Variants in ANXA5 observed in about 807,000 individuals in gnomAD.
ANXA5 encodes CBP-I.
Under a neutral mutation model 48.1 loss-of-function variants are expected in ANXA5, and 40 were observed. The ratio of observed to expected loss-of-function variants is 0.83; its 90% confidence interval spans 0.65 to 1.08. The LOEUF (loss-of-function observed/expected upper bound fraction) is 1.08. Among genes scored for constraint, ANXA5 ranks in the 50% least tolerant of loss-of-function variants. The probability of loss-of-function intolerance (pLI) is 0.00; values close to 1 mark genes in which losing one functional copy is unlikely to be tolerated. For synonymous variants in ANXA5, 113 were observed against 129.1 expected, an observed-to-expected ratio of 0.88 and a Z score of 0.85; for missense variants, 357 against 376.8, an observed-to-expected ratio of 0.95 and a Z score of 0.44.
chr4:121,692,165 A>C (rs1417578098), intron 2 of ANXA5, among the ~76,000 whole-genome samples: 1 of 152,070 alleles, frequency 6.6e-6, no homozygotes, highest in Non-Finnish European at 1.5e-5. Context: ...ACCACCTTTG[A>C]CCTGTTTCTT....
In ANXA5 at chr4:121,684,692, C is replaced by CT. The variant is rs1444856401; in HGVS notation, c.173dup (p.Thr59AspfsTer10). On this transcript the variant is annotated frameshift_variant, in exon 4 of 13. Transcript: ENST00000296511. LOFTEE classifies it high-confidence loss of function. Reference sequence around the variant, plus strand: ...GTGGTCTTACCCTGCCAAACAGAGTCTTAAAAGCTGCAGAGATTTCCTGGC... The same window carrying CT: ...GTGGTCTTACCCTGCCAAACAGAGTCTTTAAAAGCTGCAGAGATTTCCTGGC... 6.2e-7 allele frequency: 1 copy of CT among 1,613,938 alleles called. No individual in the cohort carries two copies. The highest frequency in any genetic ancestry group is 2.2e-5 in the East Asian group (1 of 44,884).
chr4:121,669,778 G>C, intron 11 of ANXA5, 54 bp from the exon 12 acceptor site: 2 of 1,570,144 alleles, frequency 1.3e-6, no homozygotes, highest in African/African-American at 1.4e-5. Context: ...TTCAAACATA[G>C]GATCAAATGC....
At position 121,670,004 on chromosome 4, in the gene ANXA5, T is replaced by C. The variant is rs1724586930; in HGVS notation, c.730A>G (p.Ile244Val). The C allele has an allele frequency of 2.5e-6, 4 of 1,599,166 alleles. No homozygotes were observed. The highest frequency in any genetic ancestry group is 3.4e-6 in the Non-Finnish European group (4 of 1,171,830). ...GCAAGGTAGGCAGGTATACTTCGAATAGATTTCACTAAGAAAATAAACAAT... is the reference window on the plus strand; with the variant it reads ...GCAAGGTAGGCAGGTATACTTCGAACAGATTTCACTAAGAAAATAAACAAT... ...EQLLLAVVKS[I>V]RSIPAYLAET... is the part of the protein sequence containing the mutation. Residue 244 changes from isoleucine (I) to valine (V), a missense_variant, in exon 11 of 13, where the codon ATT (isoleucine) becomes GTT (valine). By Grantham distance (29) the Ile-to-Val change is conservative. Transcript: ENST00000296511.
chr4:121,686,438 C>G, intron 2 of ANXA5, 66 bp from the exon 3 acceptor site: 7 of 1,164,672 alleles, frequency 6.0e-6, no homozygotes, highest in Non-Finnish European at 9.0e-6. Context: ...ATAACACAAA[C>G]AGGAAGCCGC....
chr4:121,693,986 T>C (rs1725030261), intron 2 of ANXA5, among the ~76,000 whole-genome samples: 1 of 151,838 alleles, frequency 6.6e-6, no homozygotes, highest in African/African-American at 2.4e-5. Context: ...ACCGAAAATA[T>C]TTCTGATCAA....
rs145913919 is a variant in ANXA5, at chr4:121,682,832, C to T, written c.303+532G>A. On this transcript the variant is annotated intron_variant, in intron 5 of 12. Coordinates refer to ENST00000296511, the MANE Select transcript of ANXA5 (RefSeq NM_001154.4). ...TCATATTTATACAACATTCCAAACA[C>T]CAGTCAAGGGAATACATATTTAATT... Among the ~76,000 whole-genome samples, 24 of 152,234 alleles carry T rather than the reference C, an allele frequency of 1.6e-4. 1 individual carries two copies. The highest frequency in any genetic ancestry group is 5.5e-4 in the African/African-American group (23 of 41,544).
At chr4:121,694,599 G>A (rs760885661) in intron 2 of ANXA5, among the ~76,000 whole-genome samples, 4 of 152,070 alleles carry the variant, frequency 2.6e-5, no homozygotes, top group Non-Finnish European at 1.5e-5. Flanking sequence ...TGGTTAGGCT[G>A]GTCTCGAACT....
rs1037114367 is a variant in ANXA5 at position 121,680,316 on chromosome 4, A to G, written c.394+1355T>C. Among the ~76,000 whole-genome samples the G allele has an allele frequency of 8.6e-5, 13 of 151,906 alleles. 1 individual carries two copies. Among genetic ancestry groups the G allele is most frequent in the African/African-American group, 3.1e-4 (13 of 41,360 alleles). ...GTATTCTTTATCTATTCATCTGTCA[A>G]TGGACACTTTGTAAACCCACCTAGT... On this transcript the variant is annotated intron_variant, in intron 6 of 12. Coordinates refer to ENST00000296511, the MANE Select transcript of ANXA5 (RefSeq NM_001154.4).
chr4:121,695,838 T>C (rs1013605545), intron 2 of ANXA5, among the ~76,000 whole-genome samples: 19 of 151,092 alleles, frequency 1.3e-4, no homozygotes, highest in Admixed American at 1.3e-3. Flanking sequence ...AGGCAGAGGT[T>C]GTAGTGAGCG....
chr4:121,669,456 T>C (rs1459050640), intron 12 of ANXA5, 146 bp downstream of exon 12: 10 of 993,562 alleles, frequency 1.0e-5, no homozygotes, highest in South Asian at 1.6e-5. Context: ...GGAAACATTA[T>C]GCTAAGCTTT....
At chr4:121,692,971 T>C (rs1725011370) in intron 2 of ANXA5, among the ~76,000 whole-genome samples, 1 of 152,222 alleles carries the variant, frequency 6.6e-6, no homozygotes. Context: ...CAGTGGCTCA[T>C]GCCTGTAATC....
chr4:121,669,451 CATT>C (rs1578438520), intron 12 of ANXA5, 148 bp downstream of exon 12: 1 of 954,578 alleles, frequency 1.0e-6, no homozygotes, highest in Non-Finnish European at 1.6e-6. Flanking sequence ...CTTCAGGAAA[CATT>C]ATGCTAAGCT....
chr4:121,690,174 G>T (rs1157329389), intron 2 of ANXA5, among the ~76,000 whole-genome samples: 1 of 152,180 alleles, frequency 6.6e-6, no homozygotes, highest in Non-Finnish European at 1.5e-5. Flanking sequence ...TACAGACAAA[G>T]AAACATACTG....
intron 2 of ANXA5, among the ~76,000 whole-genome samples, chr4:121,693,051 T>C (rs1174473485): frequency 6.6e-6 from 1 of 152,114 alleles, no homozygotes; most frequent in Non-Finnish European, 1.5e-5. Context: ...CTGGCCAACA[T>C]GGCGAAACTC....
intron 10 of ANXA5, 85 bp downstream of exon 10, chr4:121,671,462 G>A: frequency 2.1e-6 from 2 of 964,508 alleles, no homozygotes; most frequent in Non-Finnish European, 3.3e-6. Flanking sequence ...TCACACCTAG[G>A]TGGTTATTTT....
In ANXA5 at chr4:121,686,279, T is replaced by G; in HGVS notation, c.94+9A>C. 1 of 1,609,414 alleles carries G rather than the reference T, an allele frequency of 6.2e-7. No individual in the cohort carries two copies. Among genetic ancestry groups the G allele is most frequent in the East Asian group, 2.2e-5 (1 of 44,850 alleles). On this transcript the variant is annotated intron_variant, in intron 3 of 12. Transcript: ENST00000296511. ...CACATTTGCTTTAGAAAGAGGAAGCTAAATTTACCCAAGCCTTTCATAGCC... is the reference window on the plus strand; with the variant it reads ...CACATTTGCTTTAGAAAGAGGAAGCGAAATTTACCCAAGCCTTTCATAGCC...
Position 121,683,446 on chromosome 4 carries a change from G to T in ANXA5, c.221C>A (p.Thr74Asn). ...CACAATTAATTTTTCAAATTTTCCAGTTAGTTCTGATTTCAGGTCATCCAG... is the reference window on the plus strand; with the variant it reads ...CACAATTAATTTTTCAAATTTTCCATTTAGTTCTGATTTCAGGTCATCCAG... ...DLLDDLKSEL[T>N]GKFEKLIVAL... Residue 74 changes from threonine (T) to asparagine (N), a missense_variant, in exon 5 of 13, where the codon ACT becomes AAT. Coordinates refer to ENST00000296511, the MANE Select transcript of ANXA5 (RefSeq NM_001154.4). 6.2e-7 allele frequency: 1 copy of T among 1,610,582 alleles called. No individual in the cohort carries two copies. Among genetic ancestry groups the T allele is most frequent in the Non-Finnish European group, 8.5e-7 (1 of 1,177,824 alleles).
At chr4:121,691,073 C>T (rs902238986) in intron 2 of ANXA5, among the ~76,000 whole-genome samples, 1 of 152,188 alleles carries the variant, frequency 6.6e-6, no homozygotes, top group African/African-American at 2.4e-5. Context: ...CAGATTAATG[C>T]CAACTCTTAA....
rs1724612795 is a variant in ANXA5, at chr4:121,671,554, A to C, written c.714T>G (p.Leu238=). Residue 238 remains leucine, a synonymous_variant, in exon 10 of 13, where the codon CTT becomes CTG. Transcript: ENST00000296511. Reference sequence around the variant, plus strand: ...ACATTGTAAATCACCTACCAACAGCAAGGAGTAGTTGCTCTAAATTGCCAG... The same window carrying C: ...ACATTGTAAATCACCTACCAACAGCCAGGAGTAGTTGCTCTAAATTGCCAG... ...ETSGNLEQLL[L]AVVKSIRSIP... 6.2e-7 allele frequency: 1 copy of C among 1,610,456 alleles called. No homozygotes were observed. The highest frequency in any genetic ancestry group is 1.7e-5 in the Admixed American group (1 of 59,992).
Sources: allele counts gnomAD v4.1 joint callset (sites outside exome capture counted in the v4.1 genomes callset), GRCh38; gene constraint gnomAD v4.1.1; transcripts MANE v1.5; gene names NCBI Gene and HGNC (gene_info 2026-07-23, HGNC 2026-07-21).